TNKS: variants seen among roughly 807,000 people sequenced by gnomAD.
The protein encoded by TNKS is tankyrase.
In TNKS, 72 loss-of-function variants were observed where a neutral mutation model predicts 135.8. That is an observed-to-expected ratio of 0.53 (90% confidence interval 0.44 to 0.64). TNKS has a LOEUF of 0.64. Among genes scored for constraint, TNKS ranks in the 30% least tolerant of loss-of-function variants. The pLI is 0.00. For missense variants in TNKS, 1,769 were observed against 1,674.0 expected (o/e 1.06, Z -0.99); for synonymous variants, 849 against 649.3 (o/e 1.31, Z -4.68).
chr8:9,771,320 A>G (rs1474440657), intron 26 of TNKS, among the ~76,000 whole-genome samples: 2 of 117,020 alleles, frequency 1.7e-5, no homozygotes, highest in African/African-American at 7.2e-5. Context: ...GGAAGAGAGA[A>G]GAAAGGAGGG....
intron 3 of TNKS, chr8:9,670,018 A>T (rs1480009077): frequency 6.6e-6 from 1 of 152,222 alleles, no homozygotes; most frequent in Non-Finnish European, 1.5e-5. Context: ...TTCACTTACT[A>T]AACATAATTA....
chr8:9,660,863 T>A (rs935212361), intron 3 of TNKS, among the ~76,000 whole-genome samples: 1 of 152,106 alleles, frequency 6.6e-6, no homozygotes, highest in Non-Finnish European at 1.5e-5. Flanking sequence ...AAAATCTCCT[T>A]AAGCTGATAA....
intron 23 of TNKS, among the ~76,000 whole-genome samples, 171 bp from the exon 24 acceptor site, chr8:9,765,521 C>T (rs768222238): frequency 2.0e-5 from 3 of 152,004 alleles, no homozygotes; most frequent in Non-Finnish European, 2.9e-5. Context: ...AATTATGTCA[C>T]TAACAGCTAG....
intron 21 of TNKS, among the ~76,000 whole-genome samples, chr8:9,762,822 G>A (rs372930219): frequency 4.2e-4 from 63 of 151,596 alleles, no homozygotes; most frequent in African/African-American, 1.5e-3. Flanking sequence ...GGAGAATGGT[G>A]TGAACCCGGG....
intron 17 of TNKS, among the ~76,000 whole-genome samples, chr8:9,741,293 G>A (rs962910137): frequency 4.6e-5 from 7 of 151,908 alleles, no homozygotes; most frequent in Admixed American, 2.0e-4. Flanking sequence ...ATCTTTTATC[G>A]TCTCTGTAAA....
intron 3 of TNKS, among the ~76,000 whole-genome samples, chr8:9,669,095 A>C (rs973909303): frequency 6.6e-6 from 1 of 152,188 alleles, no homozygotes; most frequent in Admixed American, 6.5e-5. Context: ...GGGTGAAAGA[A>C]AAAGTACATA....
At chr8:9,723,400 T>C (rs1400437622) in intron 12 of TNKS, among the ~76,000 whole-genome samples, 1 of 117,040 alleles carries the variant, frequency 8.5e-6, no homozygotes, top group Non-Finnish European at 1.9e-5. Context: ...ATAAGATTCA[T>C]TTAAATACAC....
chr8:9,751,431 A>G (rs537784763), intron 18 of TNKS, among the ~76,000 whole-genome samples, 178 bp from the exon 19 acceptor site: 6 of 152,218 alleles, frequency 3.9e-5, no homozygotes, highest in African/African-American at 9.6e-5. Context: ...AATTCTGTCT[A>G]CTGAAACTAT....
At chr8:9,720,253 C>T (rs1176798646) in intron 11 of TNKS, 121 bp from the exon 12 acceptor site, 7 of 940,798 alleles carry the variant, frequency 7.4e-6, no homozygotes, top group Non-Finnish European at 1.1e-5. Context: ...TAATCAATAT[C>T]TATGAGACTT....
chr8:9,560,647 T>C (rs1305588321), intron 1 of TNKS, among the ~76,000 whole-genome samples: 5 of 151,924 alleles, frequency 3.3e-5, no homozygotes, highest in Non-Finnish European at 4.4e-5. Context: ...GTGGGAATTA[T>C]CTTACACTTC....
chr8:9,768,189 G>C (rs1244710570), intron 25 of TNKS, among the ~76,000 whole-genome samples: 3 of 152,092 alleles, frequency 2.0e-5, no homozygotes, highest in African/African-American at 7.2e-5. Flanking sequence ...AGAGCCTCAA[G>C]CAAAAGCATG....
Position 9,782,297 on chromosome 8 carries a change from C to G in TNKS, c.*5561C>G, listed in dbSNP as rs1289993033. ...AATTGTGCTTTGGCTTAATGTCTAGCTCACTGTACTTGTAAATGATTAATA... is the reference window on the plus strand; with the variant it reads ...AATTGTGCTTTGGCTTAATGTCTAGGTCACTGTACTTGTAAATGATTAATA... On this transcript the variant is annotated 3_prime_UTR_variant, in exon 27 of 27. Transcript: ENST00000310430. 3 of 152,636 alleles carry G rather than the reference C, an allele frequency of 2.0e-5. No individual in the cohort carries two copies. Among genetic ancestry groups the G allele is most frequent in the Admixed American group, 6.5e-5 (1 of 15,274 alleles). 9.5% of individuals were successfully genotyped at this position (152,636 alleles called of 1,614,324 possible).
intron 11 of TNKS, among the ~76,000 whole-genome samples, chr8:9,714,288 C>T (rs1036427822): frequency 6.6e-6 from 1 of 150,650 alleles, no homozygotes; most frequent in South Asian, 2.1e-4. Flanking sequence ...CCCTGAGTCT[C>T]AGTTGACTAA....
At chr8:9,687,355 A>G (rs1803050249) in intron 5 of TNKS, among the ~76,000 whole-genome samples, 1 of 152,186 alleles carries the variant, frequency 6.6e-6, no homozygotes, top group African/African-American at 2.4e-5. Flanking sequence ...TTGCTGAGCA[A>G]TGCATATCTT....
chr8:9,762,262 A>G (rs528826396), intron 21 of TNKS, among the ~76,000 whole-genome samples: 8 of 152,298 alleles, frequency 5.3e-5, no homozygotes, highest in African/African-American at 1.7e-4. Flanking sequence ...CACTATAGGA[A>G]AGCAAGGAAG....
chr8:9,719,631 C>G (rs1804775346), intron 11 of TNKS, among the ~76,000 whole-genome samples: 1 of 152,152 alleles, frequency 6.6e-6, no homozygotes, highest in African/African-American at 2.4e-5. Flanking sequence ...AAGGGTTTCT[C>G]TGAAAAGAGC....
At chr8:9,607,620 G>T (rs911320719) in intron 2 of TNKS, among the ~76,000 whole-genome samples, 10 of 151,976 alleles carry the variant, frequency 6.6e-5, no homozygotes, top group African/African-American at 2.4e-4. Context: ...TCCATTTGTC[G>T]TATCAAAAAT....
chr8:9,600,523 G>A (rs943892450), intron 2 of TNKS, among the ~76,000 whole-genome samples: 1 of 151,974 alleles, frequency 6.6e-6, no homozygotes, highest in African/African-American at 2.4e-5. Flanking sequence ...ATGTTGACCG[G>A]GATGGTCTTG....
At chr8:9,683,944 A>T (rs1251790411) in intron 5 of TNKS, among the ~76,000 whole-genome samples, 1 of 151,902 alleles carries the variant, frequency 6.6e-6, no homozygotes, top group African/African-American at 2.4e-5. Context: ...TAGAAATTTT[A>T]TTGGCTTTTT....
Sources: allele counts gnomAD v4.1 joint callset (sites outside exome capture counted in the v4.1 genomes callset), GRCh38; gene constraint gnomAD v4.1.1; transcripts MANE v1.5; gene names NCBI Gene and HGNC (gene_info 2026-07-23, HGNC 2026-07-21).